DOCK5: variants seen among roughly 807,000 people sequenced by gnomAD.
DOCK5 encodes the protein dedicator of cytokinesis 5, also known as dedicator of cytokinesis protein 5.
Under a neutral mutation model 251.8 loss-of-function variants are expected in DOCK5, and 142 were observed. The ratio of observed to expected loss-of-function variants is 0.56; its 90% confidence interval spans 0.49 to 0.65. DOCK5 has a LOEUF of 0.65. Ranked by LOEUF, DOCK5 falls within the 30% of genes least tolerant of loss-of-function variation. The probability of loss-of-function intolerance (pLI) is 0.00; values close to 1 mark genes in which losing one functional copy is unlikely to be tolerated. For missense variants in DOCK5, 2,111 were observed against 2,312.3 expected (o/e 0.91, Z 1.79); for synonymous variants, 842 against 835.5 (o/e 1.01, Z -0.13).
At chr8:25,395,941 A>T in intron 45 of DOCK5, 1 of 651,720 alleles carries the variant, frequency 1.5e-6, no homozygotes, top group Non-Finnish European at 2.7e-6. Context: ...CGTCACAGAA[A>T]AAAAACCAAC....
chr8:25,296,676 C>T (rs1402691134), intron 7 of DOCK5, 28 bp downstream of exon 7: 3 of 1,606,488 alleles, frequency 1.9e-6, no homozygotes, highest in Non-Finnish European at 2.6e-6. Flanking sequence ...TGAAATTCTG[C>T]CCACTGAGGT....
At chr8:25,274,471 C>T (rs1252580475) in intron 3 of DOCK5, among the ~76,000 whole-genome samples, 1 of 152,236 alleles carries the variant, frequency 6.6e-6, no homozygotes, top group Non-Finnish European at 1.5e-5. Flanking sequence ...ACATAACACT[C>T]ACATCTGGGA....
chr8:25,203,912 CT>C (rs1801938739), intron 1 of DOCK5, among the ~76,000 whole-genome samples: 1 of 152,120 alleles, frequency 6.6e-6, no homozygotes. Flanking sequence ...GTGATCCTGC[CT>C]TCCTAAAATT....
intron 27 of DOCK5, among the ~76,000 whole-genome samples, chr8:25,358,148 A>G (rs1385091164): frequency 6.6e-6 from 1 of 152,154 alleles, no homozygotes; most frequent in Non-Finnish European, 1.5e-5. Context: ...GAGACTGGGT[A>G]GTTTATAAAT....
At chr8:25,204,590 C>T (rs1159379758) in intron 1 of DOCK5, among the ~76,000 whole-genome samples, 2 of 152,188 alleles carry the variant, frequency 1.3e-5, no homozygotes, top group South Asian at 2.1e-4. Context: ...AACTTTCTGC[C>T]TGAAGACTTA....
At chr8:25,232,797 T>C (rs1802703991) in intron 1 of DOCK5, among the ~76,000 whole-genome samples, 1 of 152,186 alleles carries the variant, frequency 6.6e-6, no homozygotes, top group Non-Finnish European at 1.5e-5. Context: ...TCTGTAACAC[T>C]GCACTACCGA....
chr8:25,302,719 A>T (rs2709636), intron 10 of DOCK5, among the ~76,000 whole-genome samples: 109,824 of 152,152 alleles, frequency 0.72, 41,218 homozygotes, highest in Non-Finnish European at 0.83. Flanking sequence ...CAATGGAATA[A>T]TACTCGCCTT....
At chr8:25,323,382 G>C (rs917453198) in intron 16 of DOCK5, among the ~76,000 whole-genome samples, 2 of 152,202 alleles carry the variant, frequency 1.3e-5, no homozygotes, top group Non-Finnish European at 2.9e-5. Flanking sequence ...TGACATGATT[G>C]GATTGGACTT....
intron 1 of DOCK5, among the ~76,000 whole-genome samples, chr8:25,208,257 C>T (rs1436226379): frequency 6.6e-6 from 1 of 152,062 alleles, no homozygotes; most frequent in Non-Finnish European, 1.5e-5. Flanking sequence ...TGTTGACAAC[C>T]AAGGATTTAG....
chr8:25,350,586 A>C (rs1269085641), intron 26 of DOCK5, among the ~76,000 whole-genome samples: 1 of 152,186 alleles, frequency 6.6e-6, no homozygotes, highest in Admixed American at 6.5e-5. Flanking sequence ...CTTCTATAAC[A>C]AAATACCACA....
intron 1 of DOCK5, among the ~76,000 whole-genome samples, chr8:25,232,160 A>G (rs1208722008): frequency 2.0e-5 from 3 of 152,146 alleles, no homozygotes; most frequent in Admixed American, 2.0e-4. Flanking sequence ...TCTTTTTCTA[A>G]AAGTCTCTTT....
intron 26 of DOCK5, among the ~76,000 whole-genome samples, chr8:25,346,917 A>G (rs1049123331): frequency 6.6e-6 from 1 of 151,992 alleles, no homozygotes; most frequent in Non-Finnish European, 1.5e-5. Context: ...GAGCCCCCAC[A>G]CAGGAAGCTG....
At chr8:25,186,370 T>A (rs1388249841) in intron 1 of DOCK5, among the ~76,000 whole-genome samples, 3 of 149,742 alleles carry the variant, frequency 2.0e-5, no homozygotes, top group Non-Finnish European at 4.4e-5. Context: ...TTTTTTTGGT[T>A]TGTTTGTTTT....
At chr8:25,194,952 G>C (rs1327234975) in intron 1 of DOCK5, among the ~76,000 whole-genome samples, 1 of 151,504 alleles carries the variant, frequency 6.6e-6, no homozygotes, top group Non-Finnish European at 1.5e-5. Context: ...ACGGAGTCTC[G>C]CTCTGTCGCC....
Position 25,363,150 on chromosome 8 carries a change from GCCCATGGCTGGC to G in DOCK5, c.3044+12_3044+23del. 1.2e-6 allele frequency: 2 copies of G among 1,612,032 alleles called. No homozygotes were observed. Among genetic ancestry groups the G allele is most frequent in the Non-Finnish European group, 1.7e-6 (2 of 1,178,156 alleles). Reference sequence around the variant, plus strand: ...AATATGACTCAAAACAGGTGAGACAGCCCATGGCTGGCCCTGAGGCATTTGTCTGAATACCTA... The same window carrying G: ...AATATGACTCAAAACAGGTGAGACAGCCTGAGGCATTTGTCTGAATACCTA... On this transcript the variant is annotated intron_variant, in intron 29 of 51. Transcript: ENST00000276440.
chr8:25,345,974 C>T (rs999914386), intron 26 of DOCK5, among the ~76,000 whole-genome samples: 18 of 152,236 alleles, frequency 1.2e-4, no homozygotes, highest in Admixed American at 5.9e-4. Context: ...CCCAGCCTCC[C>T]GAGTAGCTGG....
intron 2 of DOCK5, among the ~76,000 whole-genome samples, chr8:25,259,036 T>C (rs1165898787): frequency 2.0e-5 from 3 of 152,172 alleles, no homozygotes; most frequent in Non-Finnish European, 4.4e-5. Context: ...GGAGAATTGC[T>C]TGAGCCCGGG....
chr8:25,228,405 G>A (rs770970420), intron 1 of DOCK5, among the ~76,000 whole-genome samples: 1 of 152,226 alleles, frequency 6.6e-6, no homozygotes, highest in Non-Finnish European at 1.5e-5. Flanking sequence ...GGGTGAGCCA[G>A]TGGTGTTAAA....
intron 47 of DOCK5, among the ~76,000 whole-genome samples, chr8:25,402,197 A>G (rs7829281): frequency 0.019 from 2,897 of 152,268 alleles, 79 homozygotes; most frequent in African/African-American, 0.065. Flanking sequence ...GCGAGATCAC[A>G]GCTCACTGCA....
Sources: allele counts gnomAD v4.1 joint callset (sites outside exome capture counted in the v4.1 genomes callset), GRCh38; gene constraint gnomAD v4.1.1; transcripts MANE v1.5; gene names NCBI Gene and HGNC (gene_info 2026-07-23, HGNC 2026-07-21).